Variants in PES1 observed in about 807,000 individuals in gnomAD.
PES1 encodes the protein pescadillo homolog.
A neutral mutation model predicts 77.1 loss-of-function variants in PES1; 31 were observed. The ratio of observed to expected loss-of-function variants is 0.40; its 90% CI spans 0.30 to 0.54. The LOEUF is 0.54. Among genes scored for constraint, PES1 ranks in the 20% least tolerant of loss-of-function variants. PES1 has a pLI of 0.45. For missense variants in PES1, 658 were observed against 771.7 expected (o/e 0.85, Z 1.75); for synonymous variants, 282 against 303.0 (o/e 0.93, Z 0.72).
chr22:30,600,220 G>A lies in PES1; in HGVS notation c.-661+5241C>T, dbSNP rs969718068. On this transcript the variant is annotated intron_variant, in intron 2 of 16. Transcript: ENST00000402281. ...GTGGTGGCACAAGCCTATAGTCCCAGCTACTTGGGAGGATGAGGTGCAAGA... is the reference window on the plus strand; with the variant it reads ...GTGGTGGCACAAGCCTATAGTCCCAACTACTTGGGAGGATGAGGTGCAAGA... Among the ~76,000 whole-genome samples, 9 of 152,112 alleles carry A rather than the reference G, an allele frequency of 5.9e-5. No homozygotes were observed. In the East Asian group the frequency reaches 1.7e-3, roughly 29 times the overall value.
intron 8 of PES1, 51 bp downstream of exon 8, chr22:30,581,283 C>A: frequency 6.3e-7 from 1 of 1,583,898 alleles, no homozygotes; most frequent in Non-Finnish European, 8.7e-7. Flanking sequence ...GTGTTGGGGA[C>A]AGAGACCACT....
chr22:30,593,971 G>A (rs2087220923), upstream of PES1, among the ~76,000 whole-genome samples: 1 of 152,150 alleles, frequency 6.6e-6, no homozygotes, highest in South Asian at 2.1e-4. Context: ...ATGCCAGGTA[G>A]ATTTTTGTTC....
chr22:30,601,057 T>A (rs1049218623), intron 2 of PES1, among the ~76,000 whole-genome samples: 1 of 152,208 alleles, frequency 6.6e-6, no homozygotes, highest in Non-Finnish European at 1.5e-5. Context: ...GCTCAAGTGT[T>A]CAAGTGAGCA....
At chr22:30,603,347 TTCC>T (rs2087387229) in intron 2 of PES1, among the ~76,000 whole-genome samples, 1 of 152,058 alleles carries the variant, frequency 6.6e-6, no homozygotes, top group African/African-American at 2.4e-5. Flanking sequence ...TCTCCTCCTC[TTCC>T]TCCTTTTCTT....
At chr22:30,590,047 T>G (rs1454068162) in intron 1 of PES1, among the ~76,000 whole-genome samples, 4 of 152,070 alleles carry the variant, frequency 2.6e-5, no homozygotes, top group African/African-American at 7.2e-5. Flanking sequence ...CCACACAGCT[T>G]CTCCCCTTCC....
intron 2 of PES1, among the ~76,000 whole-genome samples, chr22:30,588,868 T>C (rs757166787): frequency 7.3e-5 from 11 of 151,016 alleles, no homozygotes; most frequent in Non-Finnish European, 1.6e-4. Context: ...CACAGTGAAG[T>C]CTTATTTTGA....
At chr22:30,602,694 C>T (rs1367275429) in intron 2 of PES1, among the ~76,000 whole-genome samples, 1 of 151,958 alleles carries the variant, frequency 6.6e-6, no homozygotes, top group Non-Finnish European at 1.5e-5. Context: ...ATGGACTATG[C>T]TTTAGGTGTT....
intron 4 of PES1, chr22:30,585,519 G>GGA (rs1569024984): frequency 8.2e-6 from 2 of 242,908 alleles, no homozygotes; most frequent in South Asian, 7.4e-5. Context: ...GAGCCCAAGC[G>GGA]GACAGACAGA....
chr22:30,587,938 G>C, intron 3 of PES1, 83 bp downstream of exon 3: 1 of 1,379,230 alleles, frequency 7.3e-7, no homozygotes, highest in Non-Finnish European at 1.0e-6. Context: ...AGAGAGGGTA[G>C]GCAATCTGCC....
intron 3 of PES1, among the ~76,000 whole-genome samples, 198 bp from the exon 4 acceptor site, chr22:30,587,593 A>G (rs1006145749): frequency 1.2e-4 from 18 of 152,210 alleles, no homozygotes; most frequent in African/African-American, 4.3e-4. Context: ...CTGGTGTGTT[A>G]ACCAGCAGAG....
At chr22:30,601,758 C>G (rs35057984) in intron 2 of PES1, 15,468 of 151,616 alleles carry the variant, frequency 0.1, 1,018 homozygotes, top group Non-Finnish European at 0.15. Flanking sequence ...TTAGCAGTTA[C>G]AAATAAAGTT....
At chr22:30,585,264 C>T (rs1261749293) in intron 4 of PES1, 2 of 471,210 alleles carry the variant, frequency 4.2e-6, no homozygotes, top group Non-Finnish European at 8.8e-6. Context: ...CAATGAGACC[C>T]AGGGAATTGG....
chr22:30,586,725 AG>A (rs2087096242), intron 4 of PES1, among the ~76,000 whole-genome samples: 1 of 152,186 alleles, frequency 6.6e-6, no homozygotes, highest in Non-Finnish European at 1.5e-5. Context: ...GCACTTTGAG[AG>A]GCCGAGGTGG....
At chr22:30,593,384 G>A (rs2087210910), upstream of PES1, among the ~76,000 whole-genome samples, 1 of 152,122 alleles carries the variant, frequency 6.6e-6, no homozygotes, top group Non-Finnish European at 1.5e-5. Flanking sequence ...CTAGTTGGGA[G>A]GCTGAGGCAG....
At chr22:30,581,270 G>T in intron 8 of PES1, 64 bp downstream of exon 8, 1 of 1,525,912 alleles carries the variant, frequency 6.6e-7, no homozygotes, top group Non-Finnish European at 9.1e-7. Context: ...CAGACCCCCA[G>T]AGGTGTTGGG....
At chr22:30,587,643 A>G (rs376277763) in intron 3 of PES1, among the ~76,000 whole-genome samples, 1 of 152,336 alleles carries the variant, frequency 6.6e-6, no homozygotes, top group East Asian at 1.9e-4. Flanking sequence ...CAGATGTCCC[A>G]ACTCCACACG....
At position 30,579,132 on chromosome 22, in the gene PES1, C is replaced by A. The variant is rs4395340; in HGVS notation, c.1521+5G>T. ...GGCCAAGCCCCGCATTGCAGCTCCC[C>A]CTACCTTCCCCTCCATCCTCTGCTC... is the stretch of plus-strand genomic sequence containing the variant. On this transcript the variant is annotated splice_donor_5th_base_variant and intron_variant, in intron 13 of 14. Coordinates refer to ENST00000354694, the MANE Select transcript of PES1 (RefSeq NM_014303.4). 8.0e-3 allele frequency: 12,935 copies of A among 1,608,366 alleles called. 131 individuals carry two copies. The highest frequency in any genetic ancestry group is 0.03 in the South Asian group (2,721 of 91,032).
At chr22:30,596,957 G>A (rs2087262134) in intron 2 of PES1, among the ~76,000 whole-genome samples, 1 of 152,210 alleles carries the variant, frequency 6.6e-6, no homozygotes, top group African/African-American at 2.4e-5. Flanking sequence ...ACTCGGAGAA[G>A]CCAGCCGGCC....
chr22:30,592,394 TGCG>T (rs1211794915), upstream of PES1: 7 of 987,534 alleles, frequency 7.1e-6, no homozygotes, highest in African/African-American at 1.0e-4. Flanking sequence ...TTCGCGGTTA[TGCG>T]GCTAAAATAG....
Sources: gnomAD v4.1 joint callset for allele counts (sites outside exome capture counted in the v4.1 genomes callset) on GRCh38, gnomAD v4.1.1 for gene constraint, MANE v1.5 for transcripts, NCBI Gene and HGNC (gene_info 2026-07-23, HGNC 2026-07-21) for gene names.